KCNAB1: variants seen among roughly 807,000 people sequenced by gnomAD.
KCNAB1 encodes potassium voltage-gated channel subfamily A regulatory beta subunit 1.
In KCNAB1, 35 loss-of-function variants were observed where a neutral mutation model predicts 64.6. The ratio of observed to expected loss-of-function variants is 0.54; its 90% confidence interval spans 0.41 to 0.72. The LOEUF is 0.72. KCNAB1 is among the 30% of genes least tolerant of loss of function. The pLI is 0.00. For synonymous variants in KCNAB1, 177 were observed against 183.8 expected (o/e 0.96, Z 0.30); for missense variants, 401 against 512.9 (o/e 0.78, Z 2.11).
intron 2 of KCNAB1, among the ~76,000 whole-genome samples, chr3:156,431,257 T>G (rs1716191480): frequency 6.6e-6 from 1 of 152,238 alleles, no homozygotes; most frequent in African/African-American, 2.4e-5. Context: ...CTATTCATGT[T>G]GTTTACCTCG....
intron 8 of KCNAB1, among the ~76,000 whole-genome samples, chr3:156,506,620 C>T (rs1009321998): frequency 3.9e-5 from 6 of 152,056 alleles, no homozygotes; most frequent in East Asian, 1.9e-4. Context: ...ATTCTTGGGT[C>T]GGAGTTTTGA....
intron 1 of KCNAB1, among the ~76,000 whole-genome samples, chr3:156,360,597 C>G (rs569693327): frequency 4.3e-4 from 65 of 152,148 alleles, no homozygotes; most frequent in South Asian, 1.2e-3. Flanking sequence ...GCCTGTAGTC[C>G]TGGCAGCTCA....
intron 1 of KCNAB1, chr3:156,292,264 A>C: frequency 2.0e-6 from 2 of 983,290 alleles, no homozygotes; most frequent in Non-Finnish European, 3.0e-6. Context: ...GTTCTAAAAT[A>C]GCTCTTTAGG....
intron 12 of KCNAB1, among the ~76,000 whole-genome samples, chr3:156,527,184 A>G (rs1718368850): frequency 6.6e-6 from 1 of 152,242 alleles, no homozygotes; most frequent in Admixed American, 6.5e-5. Context: ...ATTACTTAGC[A>G]ACTCTACAGC....
intron 1 of KCNAB1, among the ~76,000 whole-genome samples, chr3:156,294,141 G>A (rs912578221): frequency 2.0e-5 from 3 of 152,146 alleles, no homozygotes; most frequent in African/African-American, 7.2e-5. Flanking sequence ...TTTTCTGGTG[G>A]CACAGCTCAA....
intron 6 of KCNAB1, among the ~76,000 whole-genome samples, chr3:156,465,144 C>T (rs968532089): frequency 2.6e-5 from 4 of 152,044 alleles, no homozygotes; most frequent in African/African-American, 7.2e-5. Flanking sequence ...TCTGGGGGTA[C>T]GAATTTAAGG....
At chr3:156,270,106 C>T (rs1045052905) in intron 1 of KCNAB1, among the ~76,000 whole-genome samples, 4 of 151,840 alleles carry the variant, frequency 2.6e-5, no homozygotes, top group Non-Finnish European at 4.4e-5. Context: ...TTAGTAGAGA[C>T]GAGGTTTCAC....
At chr3:156,232,589 C>T (rs140182646) in intron 1 of KCNAB1, among the ~76,000 whole-genome samples, 6 of 152,354 alleles carry the variant, frequency 3.9e-5, no homozygotes, top group East Asian at 1.9e-4. Context: ...CAGAAGCCCA[C>T]GCCAGATGAA....
At chr3:156,279,208 T>C (rs1471186485) in intron 1 of KCNAB1, among the ~76,000 whole-genome samples, 1 of 148,034 alleles carries the variant, frequency 6.8e-6, no homozygotes, top group African/African-American at 2.5e-5. Flanking sequence ...TGAGTGAGAA[T>C]ATGCGGTGTT....
intron 8 of KCNAB1, among the ~76,000 whole-genome samples, chr3:156,509,076 C>T (rs35397918): frequency 0.087 from 12,158 of 139,406 alleles, 564 homozygotes; most frequent in South Asian, 0.11. Flanking sequence ...TGGAGTGGGG[C>T]GGAGGGGAAA....
intron 1 of KCNAB1, among the ~76,000 whole-genome samples, chr3:156,184,335 C>T (rs1001394296): frequency 1.3e-5 from 2 of 152,192 alleles, no homozygotes; most frequent in South Asian, 2.1e-4. Flanking sequence ...TGTAGCATCT[C>T]CAGGCTCCCT....
At chr3:156,194,340 T>C (rs974040001) in intron 1 of KCNAB1, among the ~76,000 whole-genome samples, 4 of 152,270 alleles carry the variant, frequency 2.6e-5, no homozygotes, top group South Asian at 4.1e-4. Flanking sequence ...GTTTTAAAAA[T>C]AGATTTTCAC....
chr3:156,141,935 T>C (rs928733809), intron 1 of KCNAB1, among the ~76,000 whole-genome samples: 9 of 152,194 alleles, frequency 5.9e-5, no homozygotes, highest in African/African-American at 2.2e-4. Context: ...GTTATCACCA[T>C]TTGTATTTTA....
At chr3:156,176,174 G>T in intron 1 of KCNAB1, 1 of 773,812 alleles carries the variant, frequency 1.3e-6, no homozygotes, top group Non-Finnish European at 2.4e-6. Context: ...TTGGACAAGA[G>T]ATAAGAACCT....
intron 2 of KCNAB1, among the ~76,000 whole-genome samples, chr3:156,440,900 C>T (rs561993372): frequency 2.0e-5 from 3 of 152,140 alleles, no homozygotes; most frequent in East Asian, 1.9e-4. Flanking sequence ...CTTTTTAAAT[C>T]TTTGGGTTTT....
chr3:156,307,923 G>A (rs1401050623), intron 1 of KCNAB1, among the ~76,000 whole-genome samples: 1 of 152,204 alleles, frequency 6.6e-6, no homozygotes. Flanking sequence ...AGCAGGCACT[G>A]TGCCAGGCAC....
At position 156,508,318 on chromosome 3, in the gene KCNAB1, T is replaced by G. The variant is rs1438645729; in HGVS notation, c.659-6046T>G. Among the ~76,000 whole-genome samples the G allele has an allele frequency of 6.6e-5, 10 of 152,226 alleles. No homozygotes were observed. The highest frequency in any genetic ancestry group is 1.3e-4 in the Admixed American group (2 of 15,280). On this transcript the variant is annotated intron_variant, in intron 8 of 13. Coordinates refer to ENST00000490337, the MANE Select transcript of KCNAB1 (RefSeq NM_172160.3). The surrounding 1 kb of genome is among the most constrained non-coding windows in gnomAD (Gnocchi z 4.1). ...TCAAAACATTAATTTCTAATAAGCA[T>G]ATTTTTATCTTTACCCCTATGGCTT...
chr3:156,291,629 A>G, intron 1 of KCNAB1: 1 of 1,329,954 alleles, frequency 7.5e-7, no homozygotes, highest in South Asian at 1.6e-5. Flanking sequence ...GCCCGGGAAG[A>G]TTTGCAAACC....
intron 2 of KCNAB1, among the ~76,000 whole-genome samples, chr3:156,451,963 C>T (rs189281644): frequency 2.6e-5 from 4 of 152,282 alleles, no homozygotes; most frequent in Admixed American, 1.3e-4. Context: ...TTATGTTCAC[C>T]TCAGTCATAG....
Sources: allele counts gnomAD v4.1 joint callset (sites outside exome capture counted in the v4.1 genomes callset), GRCh38; gene constraint gnomAD v4.1.1; non-coding constraint Gnocchi (gnomAD v3.1); transcripts MANE v1.5; gene names NCBI Gene and HGNC (gene_info 2026-07-23, HGNC 2026-07-21).